MRTFA: variants seen among roughly 807,000 people sequenced by gnomAD.
MRTFA encodes myocardin-related transcription factor A.
A neutral mutation model predicts 83.5 loss-of-function variants in MRTFA; 20 were observed. The observed-to-expected ratio is 0.24, with a 90% confidence interval of 0.17 to 0.35. The LOEUF (loss-of-function observed/expected upper bound fraction) is 0.35. MRTFA is among the 10% of genes least tolerant of loss of function. The probability of loss-of-function intolerance (pLI) is 1.00; values close to 1 mark genes in which losing one functional copy is unlikely to be tolerated. For missense variants in MRTFA, 1,200 were observed against 1,224.7 expected (o/e 0.98, Z 0.30); for synonymous variants, 659 against 541.2 (o/e 1.22, Z -3.02).
chr22:40,626,145 G>T (rs1268851556), intron 1 of MRTFA, among the ~76,000 whole-genome samples: 1 of 151,608 alleles, frequency 6.6e-6, no homozygotes, highest in Non-Finnish European at 1.5e-5. Flanking sequence ...CACCACACCC[G>T]GCTGATTTTT....
At chr22:40,597,234 G>A (rs1223206799) in intron 1 of MRTFA, among the ~76,000 whole-genome samples, 7 of 152,196 alleles carry the variant, frequency 4.6e-5, no homozygotes, top group Non-Finnish European at 1.0e-4. Flanking sequence ...AATTTACAAA[G>A]TGAATAACGA....
chr22:40,463,187 A>C, intron 4 of MRTFA, 34 bp downstream of exon 4: 1 of 1,592,622 alleles, frequency 6.3e-7, no homozygotes, highest in Non-Finnish European at 8.6e-7. Flanking sequence ...TCCTAAAAGC[A>C]ATCTACCAAA....
chr22:40,517,171 C>G (rs1001608664), intron 3 of MRTFA, among the ~76,000 whole-genome samples: 2 of 152,232 alleles, frequency 1.3e-5, no homozygotes, highest in African/African-American at 2.4e-5. Context: ...AATCCTCCTG[C>G]CTTGGCATCC....
At chr22:40,447,942 C>T (rs2053412450) in intron 4 of MRTFA, among the ~76,000 whole-genome samples, 1 of 152,048 alleles carries the variant, frequency 6.6e-6, no homozygotes, top group South Asian at 2.1e-4. Flanking sequence ...GTTGTAATTC[C>T]AACACTTTGG....
chr22:40,461,019 G>A (rs2053700591), intron 4 of MRTFA, among the ~76,000 whole-genome samples: 1 of 150,556 alleles, frequency 6.6e-6, no homozygotes, highest in South Asian at 2.1e-4. Context: ...AGCAACATAG[G>A]TAGACTCCAT....
Position 40,416,076 on chromosome 22 carries a change from G to A in MRTFA, c.2578+910C>T, listed in dbSNP as rs182759350. The stretch of plus-strand genomic sequence containing the variant: ...AACTGTCCCTGTGAACCCTCCATTC[G>A]GTCTCGTGACACACCCCATCAGGGA... On this transcript the variant is annotated intron_variant, in intron 14 of 14. Transcript: ENST00000355630. This position sits in a 1 kb window ranked among gnomAD's most constrained non-coding sequence, Gnocchi z 4.2. Among the ~76,000 whole-genome samples, 98 of 152,236 alleles carry A rather than the reference G, an allele frequency of 6.4e-4. No individual in the cohort carries two copies. The highest frequency in any genetic ancestry group is 1.2e-3 in the Non-Finnish European group (84 of 68,008).
chr22:40,614,306 G>A (rs1444105593), intron 1 of MRTFA, among the ~76,000 whole-genome samples: 1 of 151,426 alleles, frequency 6.6e-6, no homozygotes, highest in South Asian at 2.1e-4. Flanking sequence ...AGCTACTTGG[G>A]AGGCTAAGGT....
chr22:40,600,006 TATC>T (rs1602481236), intron 1 of MRTFA, among the ~76,000 whole-genome samples: 2 of 127,620 alleles, frequency 1.6e-5, no homozygotes, highest in East Asian at 6.6e-4. Flanking sequence ...AGGTTTGACT[TATC>T]AAAAAAAAAA....
chr22:40,625,173 A>G (rs921818614), intron 1 of MRTFA, among the ~76,000 whole-genome samples: 3 of 152,182 alleles, frequency 2.0e-5, no homozygotes, highest in East Asian at 1.9e-4. Flanking sequence ...AATGTTAAAT[A>G]GTTCAATGAA....
chr22:40,530,205 C>T (rs1232962036), intron 3 of MRTFA, among the ~76,000 whole-genome samples: 1 of 152,222 alleles, frequency 6.6e-6, no homozygotes, highest in African/African-American at 2.4e-5. Context: ...AGCATTTCTC[C>T]ATTCTAAAAC....
chr22:40,415,726 C>G (rs993748255), intron 14 of MRTFA, among the ~76,000 whole-genome samples: 1 of 152,080 alleles, frequency 6.6e-6, no homozygotes, highest in Non-Finnish European at 1.5e-5. Context: ...CCTTCTTCCC[C>G]TCTGCAGGGG....
At chr22:40,486,798 G>A (rs1004036748) in intron 3 of MRTFA, among the ~76,000 whole-genome samples, 15 of 152,072 alleles carry the variant, frequency 9.9e-5, no homozygotes, top group African/African-American at 3.1e-4. Flanking sequence ...TGGGCAACAC[G>A]GCAAAACCCC....
chr22:40,449,038 G>T (rs1445227620), intron 4 of MRTFA, among the ~76,000 whole-genome samples: 5 of 152,146 alleles, frequency 3.3e-5, no homozygotes, highest in Non-Finnish European at 7.3e-5. Context: ...GGCCGAGGCG[G>T]GTGGATCATG....
rs1555957475 is a variant in MRTFA, at chr22:40,411,910, G to A, written c.2579-3C>T. 3 of 1,482,116 alleles carry A rather than the reference G, an allele frequency of 2.0e-6. No individual in the cohort carries two copies. Among genetic ancestry groups the A allele is most frequent in the Non-Finnish European group, 2.7e-6 (3 of 1,114,944 alleles). The allele number at this position is 1,482,116 out of a possible 1,614,324, so 91.8% of individuals were successfully genotyped here. A position where few individuals can be genotyped will look rare whatever the true frequency, so the allele number is the denominator to read the frequency against. The stretch of plus-strand genomic sequence containing the variant: ...CTCCTTGAAATCTGCTGAAATTTCT[G>A]CCAATCAATCAAGAGAGTAAATGGA... On this transcript the variant is annotated splice_region_variant and splice_polypyrimidine_tract_variant and intron_variant, in intron 14 of 14. Transcript: ENST00000355630.
At chr22:40,541,770 G>A (rs1167843938) in intron 3 of MRTFA, among the ~76,000 whole-genome samples, 1 of 150,574 alleles carries the variant, frequency 6.6e-6, no homozygotes, top group Admixed American at 6.6e-5. Flanking sequence ...GGGTTCAAGC[G>A]ATTCTCTTGC....
chr22:40,511,547 C>G (rs1456095253), intron 3 of MRTFA, among the ~76,000 whole-genome samples: 2 of 152,190 alleles, frequency 1.3e-5, no homozygotes, highest in Non-Finnish European at 2.9e-5. Context: ...AGGCAGTCAC[C>G]TTTTCCCACT....
At chr22:40,515,519 C>T (rs1310524470) in intron 3 of MRTFA, among the ~76,000 whole-genome samples, 1 of 151,780 alleles carries the variant, frequency 6.6e-6, no homozygotes, top group African/African-American at 2.4e-5. Context: ...AGAGCAAAAC[C>T]CCATCTCTAC....
chr22:40,615,856 T>C lies in MRTFA; in HGVS notation c.-84+20622A>G, dbSNP rs568898302. On this transcript the variant is annotated intron_variant, in intron 1 of 14. Coordinates refer to ENST00000355630, the MANE Select transcript of MRTFA (RefSeq NM_020831.6). ...GCCACCACCATGCCCAGCTAATTGT[T>C]GTATTTTTAGTAGAGATGGGGTTTC... Among the ~76,000 whole-genome samples, 39 of 152,198 alleles carry C rather than the reference T, an allele frequency of 2.6e-4. 1 individual carries two copies. In the South Asian group the frequency reaches 5.0e-3, roughly 19 times the overall value.
At chr22:40,467,995 T>C (rs749895606) in intron 3 of MRTFA, among the ~76,000 whole-genome samples, 3 of 152,032 alleles carry the variant, frequency 2.0e-5, no homozygotes, top group Non-Finnish European at 4.4e-5. Flanking sequence ...AACCCAACCA[T>C]AAAGTGAAAA....
Sources: gnomAD v4.1 joint callset for allele counts (sites outside exome capture counted in the v4.1 genomes callset) on GRCh38, gnomAD v4.1.1 for gene constraint, Gnocchi (gnomAD v3.1) non-coding constraint, MANE v1.5 for transcripts, NCBI Gene and HGNC (gene_info 2026-07-23, HGNC 2026-07-21) for gene names.